TMEM178B: variants seen among roughly 807,000 people sequenced by gnomAD.
The protein encoded by TMEM178B is transmembrane protein 178B.
In TMEM178B, 5 loss-of-function variants were observed where a neutral mutation model predicts 31.0. The observed-to-expected ratio is 0.16, with a 90% CI of 0.08 to 0.34. The LOEUF (loss-of-function observed/expected upper bound fraction) is 0.34. Among genes scored for constraint, TMEM178B ranks in the 10% least tolerant of loss-of-function variants. The pLI is 1.00. For synonymous variants in TMEM178B, 164 were observed against 164.0 expected (o/e 1.00, Z 0.00); for missense variants, 275 against 400.3 (o/e 0.69, Z 2.67).
chr7:141,441,254 C>G (rs1374418518), intron 3 of TMEM178B, among the ~76,000 whole-genome samples: 2 of 152,192 alleles, frequency 1.3e-5, no homozygotes, highest in Non-Finnish European at 2.9e-5. Flanking sequence ...CTCTAGAACC[C>G]TGTATGTCAG....
intron 2 of TMEM178B, among the ~76,000 whole-genome samples, chr7:141,412,225 T>C (rs566223322): frequency 8.5e-5 from 13 of 152,350 alleles, no homozygotes; most frequent in Non-Finnish European, 1.5e-5. Flanking sequence ...CTTAGAACAG[T>C]GTTTTATTCA....
chr7:141,273,065 C>G (rs1458112119), intron 2 of TMEM178B, among the ~76,000 whole-genome samples: 2 of 152,220 alleles, frequency 1.3e-5, no homozygotes, highest in Non-Finnish European at 2.9e-5. Context: ...GGAAATTCTG[C>G]TGTTTGCAAC....
chr7:141,127,547 C>T (rs568485365), intron 1 of TMEM178B, among the ~76,000 whole-genome samples: 6 of 152,084 alleles, frequency 3.9e-5, no homozygotes, highest in Non-Finnish European at 8.8e-5. Context: ...TGTTGGAGCA[C>T]CAAAGATACT....
At chr7:141,292,591 C>T (rs1182765699) in intron 2 of TMEM178B, among the ~76,000 whole-genome samples, 1 of 151,490 alleles carries the variant, frequency 6.6e-6, no homozygotes, top group East Asian at 1.9e-4. Flanking sequence ...CCCCATATTT[C>T]ACCTTTGAAT....
chr7:141,095,465 AT>A (rs1794945122), intron 1 of TMEM178B, among the ~76,000 whole-genome samples: 1 of 152,032 alleles, frequency 6.6e-6, no homozygotes, highest in African/African-American at 2.4e-5. Flanking sequence ...GTCATGACCA[AT>A]TTTATTTTTT....
chr7:141,337,056 C>CAT (rs1799419584), intron 2 of TMEM178B, among the ~76,000 whole-genome samples: 1 of 78,426 alleles, frequency 1.3e-5, no homozygotes, highest in African/African-American at 8.8e-5. Context: ...ACCATCACCA[C>CAT]CACCACCATC....
At chr7:141,429,726 T>G (rs1311237117) in intron 2 of TMEM178B, 1 of 152,232 alleles carries the variant, frequency 6.6e-6, no homozygotes, top group East Asian at 1.9e-4. Context: ...GATAACTGTG[T>G]GAGTTCATTT....
At chr7:141,116,311 G>T (rs1305010348) in intron 1 of TMEM178B, among the ~76,000 whole-genome samples, 1 of 152,172 alleles carries the variant, frequency 6.6e-6, no homozygotes, top group Non-Finnish European at 1.5e-5. Context: ...CTGCCCTGTG[G>T]CCTTCCAGGA....
At chr7:141,387,964 G>A (rs902523436) in intron 2 of TMEM178B, among the ~76,000 whole-genome samples, 3 of 152,180 alleles carry the variant, frequency 2.0e-5, no homozygotes, top group African/African-American at 4.8e-5. Context: ...ACCTGCCTTC[G>A]TCCACTTACC....
chr7:141,331,729 GA>G lies in TMEM178B; in HGVS notation c.497-105878del, dbSNP rs1282829811. Among the ~76,000 whole-genome samples, 8 of 152,192 alleles carry G rather than the reference GA, an allele frequency of 5.3e-5. 1 individual carries two copies. In the South Asian group the frequency reaches 6.2e-4, roughly 12 times the overall value. ...GTAAAGGAATTTGCTGGTATTTGAT[GA>G]CAGTTTCAGTGGCTGATGCAGTGAG... is the stretch of plus-strand genomic sequence containing the variant. On this transcript the variant is annotated intron_variant, in intron 2 of 3. Transcript: ENST00000565468.
intron 1 of TMEM178B, among the ~76,000 whole-genome samples, chr7:141,081,546 G>T (rs1347114099): frequency 6.6e-6 from 1 of 151,874 alleles, no homozygotes; most frequent in African/African-American, 2.4e-5. Context: ...TGAGGCAGGA[G>T]AATTGCTTGA....
rs889060478 is a variant in TMEM178B, at chr7:141,171,452, C to T, written c.383-41139C>T. Among the ~76,000 whole-genome samples, 2 of 152,154 alleles carry T rather than the reference C, an allele frequency of 1.3e-5. No individual in the cohort carries two copies. The highest frequency in any genetic ancestry group is 4.8e-5 in the African/African-American group (2 of 41,428). On this transcript the variant is annotated intron_variant, in intron 1 of 3. Coordinates refer to ENST00000565468, the MANE Select transcript of TMEM178B (RefSeq NM_001195278.2). The surrounding 1 kb of genome is among the most constrained non-coding windows in gnomAD (Gnocchi z 4.3). The stretch of plus-strand genomic sequence containing the variant: ...AGTCTGGGAGCTCAAGTAACTTGCC[C>T]ACAATCACTTAGCTGGCAAGTGATG...
intron 2 of TMEM178B, among the ~76,000 whole-genome samples, chr7:141,313,267 CT>C (rs1798945237): frequency 6.6e-6 from 1 of 152,200 alleles, no homozygotes; most frequent in African/African-American, 2.4e-5. Context: ...ATGACTCCTT[CT>C]GTCCATGTCC....
intron 1 of TMEM178B, among the ~76,000 whole-genome samples, chr7:141,167,088 C>G (rs765414530): frequency 1.3e-5 from 2 of 152,178 alleles, no homozygotes; most frequent in Non-Finnish European, 2.9e-5. Context: ...CTTCTCTGGG[C>G]TCCAGTCTTC....
intron 2 of TMEM178B, among the ~76,000 whole-genome samples, chr7:141,231,582 A>G (rs1797447318): frequency 6.6e-6 from 1 of 152,016 alleles, no homozygotes; most frequent in Non-Finnish European, 1.5e-5. Context: ...CAGCATTCCT[A>G]TTTAGAGACG....
chr7:141,465,437 A>G (rs953902903), intron 3 of TMEM178B, among the ~76,000 whole-genome samples: 3 of 151,994 alleles, frequency 2.0e-5, no homozygotes, highest in Non-Finnish European at 4.4e-5. Flanking sequence ...TTGCCACCAA[A>G]CCACAGGCAG....
intron 2 of TMEM178B, among the ~76,000 whole-genome samples, chr7:141,247,844 T>A (rs1797763471): frequency 1.3e-5 from 2 of 152,276 alleles, no homozygotes; most frequent in African/African-American, 4.8e-5. Flanking sequence ...TATTTGTTGT[T>A]TATCTGAAAT....
chr7:141,509,522 C>T, the TMEM178B span, among the ~76,000 whole-genome samples: 3 of 151,704 alleles, frequency 2.0e-5, no homozygotes, highest in South Asian at 2.1e-4. Flanking sequence ...TGGTGGCGGG[C>T]GCCTGTAATC....
intron 1 of TMEM178B, among the ~76,000 whole-genome samples, chr7:141,149,382 T>TA (rs532060481): frequency 1.3e-4 from 20 of 151,952 alleles, no homozygotes; most frequent in African/African-American, 2.4e-4. Context: ...CCATCTCTAC[T>TA]AAAAAAAATA....
Sources: allele counts gnomAD v4.1 joint callset (sites outside exome capture counted in the v4.1 genomes callset), GRCh38; gene constraint gnomAD v4.1.1; non-coding constraint Gnocchi (gnomAD v3.1); transcripts MANE v1.5; gene names NCBI Gene and HGNC (gene_info 2026-07-23, HGNC 2026-07-21).